VPS13D: variants seen among roughly 807,000 people sequenced by gnomAD.
VPS13D encodes intermembrane lipid transfer protein VPS13D.
In VPS13D, 187 loss-of-function variants were observed where a neutral mutation model predicts 461.9. The observed-to-expected ratio is 0.40, with a 90% CI of 0.36 to 0.46. The LOEUF (loss-of-function observed/expected upper bound fraction) is 0.46, where lower values mean the gene tolerates loss of function less well. Ranked by LOEUF, VPS13D falls within the 20% of genes least tolerant of loss-of-function variation. The pLI is 0.60. For synonymous variants in VPS13D, 1,951 were observed against 1,986.3 expected (o/e 0.98, Z 0.47); for missense variants, 4,711 against 5,364.9 (o/e 0.88, Z 3.81).
At chr1:12,372,902 C>T (rs1435044723) in intron 54 of VPS13D, among the ~76,000 whole-genome samples, 1 of 150,974 alleles carries the variant, frequency 6.6e-6, no homozygotes, top group Admixed American at 6.6e-5. Flanking sequence ...TGCAACATTC[C>T]ATAAAGCTTA....
chr1:12,277,473 C>T lies in VPS13D; in HGVS notation c.3885C>T (p.His1295=). 2.5e-6 allele frequency: 4 copies of T among 1,614,120 alleles called. No individual in the cohort carries two copies. Among genetic ancestry groups the T allele is most frequent in the Non-Finnish European group, 3.4e-6 (4 of 1,180,026 alleles). ...AGATGGCTTCTTTACATTATAACCA[C>T]TCTGCTAAGTTTTTGAAGGAGTTGA... is the stretch of plus-strand genomic sequence containing the variant. ...NLKMASLHYN[H]SAKFLKELTL... The change falls in exon 19 of 70, where the codon CAC becomes CAT. Residue 1295 remains histidine, a synonymous_variant. Coordinates refer to ENST00000620676, the MANE Select transcript of VPS13D (RefSeq NM_015378.4).
rs910700580 is a variant in VPS13D at position 12,473,215 on chromosome 1, G to C, written c.12662+12819G>C. On this transcript the variant is annotated intron_variant, in intron 67 of 69. Coordinates refer to ENST00000620676, the MANE Select transcript of VPS13D (RefSeq NM_015378.4). This position sits in a 1 kb window ranked among gnomAD's most constrained non-coding sequence, Gnocchi z 4.2. Reference sequence around the variant, plus strand: ...AAGTTGCTGAAAGTTTTCTTATCTTGACACTCCAAGGGCAAGAGGTCTTTC... The same window carrying C: ...AAGTTGCTGAAAGTTTTCTTATCTTCACACTCCAAGGGCAAGAGGTCTTTC... 1.8e-4 allele frequency among the ~76,000 whole-genome samples: 27 copies of C among 152,188 alleles called. No individual in the cohort carries two copies. The highest frequency in any genetic ancestry group is 6.5e-4 in the African/African-American group (27 of 41,454).
At chr1:12,458,620 C>T (rs1645362215) in intron 66 of VPS13D, among the ~76,000 whole-genome samples, 1 of 152,034 alleles carries the variant, frequency 6.6e-6, no homozygotes, top group Non-Finnish European at 1.5e-5. Context: ...GCAAATTTAC[C>T]CAGAATCCAA....
At position 12,276,562 on chromosome 1, in the gene VPS13D, T is replaced by G; in HGVS notation, c.2974T>G (p.Tyr992Asp). 6.2e-7 allele frequency: 1 copy of G among 1,614,232 alleles called. No individual in the cohort carries two copies. The highest frequency in any genetic ancestry group is 8.5e-7 in the Non-Finnish European group (1 of 1,180,042). ...CAATGCTCACTTTGTGAAGAGGCCT[T>G]ATGATGCTGAAGTCTCCCTAACTGT... ...GTNAHFVKRP[Y>D]DAEVSLTVHG... The change falls in exon 19 of 70, where the codon TAT becomes GAT. Residue 992 changes from tyrosine to aspartate, a missense_variant. Tyr to Asp is a radical substitution (Grantham distance 160). Transcript: ENST00000620676. This position sits in a 1 kb window ranked among gnomAD's most constrained non-coding sequence, Gnocchi z 4.5.
intron 7 of VPS13D, 98 bp from the exon 8 acceptor site, chr1:12,256,235 T>C: frequency 2.2e-6 from 3 of 1,390,164 alleles, no homozygotes. Flanking sequence ...AGCCTATGGC[T>C]GAGCTCCACT....
At chr1:12,273,932 C>A (rs1323301636) in intron 18 of VPS13D, among the ~76,000 whole-genome samples, 2 of 152,136 alleles carry the variant, frequency 1.3e-5, no homozygotes, top group Non-Finnish European at 2.9e-5. Flanking sequence ...TTATAGACCC[C>A]CATTTCTGCA....
chr1:12,363,325 A>T, intron 52 of VPS13D, 78 bp downstream of exon 52: 1 of 1,449,674 alleles, frequency 6.9e-7, no homozygotes, highest in South Asian at 1.3e-5. Flanking sequence ...AGCCTTGTGT[A>T]AAATGGGCAC....
chr1:12,346,671 T>A lies in VPS13D; in HGVS notation c.9069+19T>A. 1 of 1,611,486 alleles carries A rather than the reference T, an allele frequency of 6.2e-7. No individual in the cohort carries two copies. The highest frequency in any genetic ancestry group is 1.7e-5 in the Admixed American group (1 of 59,640). ...GGTTTATGTAAGTATGATTTTCCTG[T>A]TGTCATTGTGTTTATTGCGTATATA... On this transcript the variant is annotated intron_variant, in intron 44 of 69. Transcript: ENST00000620676.
intron 37 of VPS13D, among the ~76,000 whole-genome samples, chr1:12,331,710 T>C (rs1334765317): frequency 7.3e-6 from 1 of 136,516 alleles, no homozygotes; most frequent in Non-Finnish European, 1.6e-5. Flanking sequence ...AGACTCTGTC[T>C]TAAAAAAAAA....
At chr1:12,444,666 A>C (rs764985908) in intron 65 of VPS13D, among the ~76,000 whole-genome samples, 17 of 152,156 alleles carry the variant, frequency 1.1e-4, no homozygotes, top group Admixed American at 3.9e-4. Flanking sequence ...ACCATTTACT[A>C]AAATCTTAAT....
At chr1:12,369,342 G>A in intron 53 of VPS13D, 125 bp from the exon 54 acceptor site, 2 of 828,298 alleles carry the variant, frequency 2.4e-6, no homozygotes, top group South Asian at 1.7e-5. Context: ...TTTCACTGGG[G>A]CTTATTTCCT....
rs182436101 is a variant in VPS13D, at chr1:12,270,969, C to T, written c.1973-25C>T. 7.7e-3 allele frequency: 12,292 copies of T among 1,601,010 alleles called. 75 individuals carry two copies. Among genetic ancestry groups the T allele is most frequent in the Non-Finnish European group, 9.2e-3 (10,736 of 1,172,398 alleles). ...ACCCAGCCGTGTGAAAATTCTGACTCTGCTGTGTATTTCCAACCTTGCAGG... is the reference window on the plus strand; with the variant it reads ...ACCCAGCCGTGTGAAAATTCTGACTTTGCTGTGTATTTCCAACCTTGCAGG... On this transcript the variant is annotated intron_variant, in intron 16 of 69. Coordinates refer to ENST00000620676, the MANE Select transcript of VPS13D (RefSeq NM_015378.4).
At chr1:12,293,423 A>G in intron 23 of VPS13D, 101 bp from the exon 24 acceptor site, 1 of 1,135,550 alleles carries the variant, frequency 8.8e-7, no homozygotes, top group Non-Finnish European at 1.2e-6. Context: ...TTTAATAATT[A>G]AAGCTGGTTT....
chr1:12,508,727 A>C lies in VPS13D; in HGVS notation c.13036-166A>C, dbSNP rs138562959. Among the ~76,000 whole-genome samples, 1,257 of 150,402 alleles carry C rather than the reference A, an allele frequency of 8.4e-3. 8 individuals are homozygous for C. Among genetic ancestry groups the C allele is most frequent in the Non-Finnish European group, 0.013 (882 of 67,764 alleles). ...AAAAAATTGCAGGGACCCACCCCAG[A>C]CTTGTGAGTGCGAGTGAAGCAGGAG... On this transcript the variant is annotated intron_variant, in intron 69 of 69. Coordinates refer to ENST00000620676, the MANE Select transcript of VPS13D (RefSeq NM_015378.4).
At chr1:12,438,886 G>T (rs1335092389) in intron 65 of VPS13D, among the ~76,000 whole-genome samples, 1 of 152,156 alleles carries the variant, frequency 6.6e-6, no homozygotes. Flanking sequence ...TCTGCCAGTT[G>T]CTCAAATACT....
chr1:12,392,640 A>T (rs1301777139), intron 60 of VPS13D, among the ~76,000 whole-genome samples: 3 of 151,798 alleles, frequency 2.0e-5, no homozygotes, highest in Non-Finnish European at 2.9e-5. Flanking sequence ...TTCATTTTCC[A>T]CCAAAGCCCA....
chr1:12,481,369 G>T (rs748494529), intron 67 of VPS13D, among the ~76,000 whole-genome samples: 3 of 152,132 alleles, frequency 2.0e-5, no homozygotes, highest in Non-Finnish European at 4.4e-5. Context: ...TGACCTGAAA[G>T]GGCCTAGCCT....
At chr1:12,334,426 A>C (rs1337398291) in intron 38 of VPS13D, among the ~76,000 whole-genome samples, 1 of 152,230 alleles carries the variant, frequency 6.6e-6, no homozygotes, top group Non-Finnish European at 1.5e-5. Flanking sequence ...GAGCTTACCT[A>C]AAGGTTCTTA....
chr1:12,387,271 G>T (rs903990544), intron 60 of VPS13D, among the ~76,000 whole-genome samples: 1 of 152,174 alleles, frequency 6.6e-6, no homozygotes, highest in Non-Finnish European at 1.5e-5. Context: ...ATCATAAAAG[G>T]AAGATCCGAA....
Sources: gnomAD v4.1 joint callset for allele counts (sites outside exome capture counted in the v4.1 genomes callset) on GRCh38, gnomAD v4.1.1 for gene constraint, Gnocchi (gnomAD v3.1) non-coding constraint, MANE v1.5 for transcripts, NCBI Gene and HGNC (gene_info 2026-07-23, HGNC 2026-07-21) for gene names.